Variants in TMCO2 observed in about 807,000 individuals in gnomAD.
TMCO2 encodes transmembrane and coiled-coil domains 2.
In TMCO2, 15 loss-of-function variants were observed where a neutral mutation model predicts 18.0. The observed-to-expected ratio is 0.84, with a 90% CI of 0.56 to 1.29. The LOEUF is 1.29. Among genes scored for constraint, TMCO2 ranks in the 50% most tolerant of loss-of-function variants. TMCO2 has a pLI of 0.00. For synonymous variants in TMCO2, 79 were observed against 75.9 expected (o/e 1.04, Z -0.21); for missense variants, 182 against 200.9 (o/e 0.91, Z 0.57).
chr1:40,248,052 C>T lies in TMCO2; in HGVS notation c.59C>T (p.Thr20Ile), dbSNP rs1569591810. ...DNLLESLSLSTVWNWIQASFL... is the reference protein window; with the variant it reads ...DNLLESLSLSIVWNWIQASFL... Reference sequence around the variant, plus strand: ...CTCTTAGAGTCTCTCTCTCTCAGCACAGTATGGAATTGGATACAAGCAAGT... The same window carrying T: ...CTCTTAGAGTCTCTCTCTCTCAGCATAGTATGGAATTGGATACAAGCAAGT... Residue 20 changes from threonine (T) to isoleucine (I), a missense_variant, in exon 1 of 2, where the codon ACA becomes ATA. Physicochemically the swap from Thr to Ile is moderately conservative, Grantham distance 89 (BLOSUM62 -1). Coordinates refer to ENST00000372766, the MANE Select transcript of TMCO2 (RefSeq NM_001008740.4). The T allele has an allele frequency of 6.2e-7, 1 of 1,614,196 alleles. No individual in the cohort carries two copies. Among genetic ancestry groups the T allele is most frequent in the Non-Finnish European group, 8.5e-7 (1 of 1,180,028 alleles).
chr1:40,248,676 G>T (rs546643973), intron 1 of TMCO2, among the ~76,000 whole-genome samples: 3 of 152,144 alleles, frequency 2.0e-5, no homozygotes, highest in African/African-American at 2.4e-5. Context: ...ACAAGATAAG[G>T]CTCCATAAGT....
chr1:40,249,255 A>ATGTGTGTGTGTGTGTGTG lies in TMCO2; in HGVS notation c.237+1055_237+1072dup, dbSNP rs3075101. ...CAACTGACCTAAATCTTGAACAGGA[A>ATGTGTGTGTGTGTGTGTG]TGTGTGTGTGTGTGTGTGTGTGTGT... On this transcript the variant is annotated intron_variant, in intron 1 of 1. Coordinates refer to ENST00000372766, the MANE Select transcript of TMCO2 (RefSeq NM_001008740.4). Among the ~76,000 whole-genome samples the ATGTGTGTGTGTGTGTGTG allele has an allele frequency of 4.2e-4, 59 of 139,930 alleles. 2 individuals are homozygous for ATGTGTGTGTGTGTGTGTG. Among genetic ancestry groups the ATGTGTGTGTGTGTGTGTG allele is most frequent in the South Asian group, 1.5e-3 (6 of 4,036 alleles). The allele number at this position is 139,930 out of a possible 152,430, so 91.8% of individuals were successfully genotyped here.
intron 1 of TMCO2, among the ~76,000 whole-genome samples, chr1:40,251,019 C>T (rs1452395879): frequency 6.6e-6 from 1 of 151,560 alleles, no homozygotes; most frequent in Non-Finnish European, 1.5e-5. Flanking sequence ...CGCCTGTAGT[C>T]CCAACTACTC....
rs2124568280 is a variant in TMCO2, at chr1:40,248,039, C to G, written c.46C>G (p.Leu16Val). ...TAGCTGGGACAACCTCTTAGAGTCT[C>G]TCTCTCTCAGCACAGTATGGAATTG... ...SSSWDNLLES[L>V]SLSTVWNWIQ... The change falls in exon 1 of 2, where the codon CTC becomes GTC. Residue 16 changes from leucine to valine, a missense_variant. Transcript: ENST00000372766. 3 of 1,614,164 alleles carry G rather than the reference C, an allele frequency of 1.9e-6. No homozygotes were observed. In the East Asian group the frequency reaches 6.7e-5, roughly 36 times the overall value.
At chr1:40,250,560 G>A (rs1643373741) in intron 1 of TMCO2, among the ~76,000 whole-genome samples, 1 of 152,058 alleles carries the variant, frequency 6.6e-6, no homozygotes, top group African/African-American at 2.4e-5. Flanking sequence ...AGACTACTAT[G>A]TCCTAAAGTG....
chr1:40,247,937 A>G lies in TMCO2; in HGVS notation c.-57A>G. 1 of 1,376,836 alleles carries G rather than the reference A, an allele frequency of 7.3e-7. No individual in the cohort carries two copies. The highest frequency in any genetic ancestry group is 1.0e-6 in the Non-Finnish European group (1 of 968,420). The allele number at this position is 1,376,836 out of a possible 1,614,324, so 85.3% of individuals were successfully genotyped here. A position where few individuals can be genotyped will look rare whatever the true frequency, so the allele number is the denominator to read the frequency against. ...GCCTCCAGACTACTCCCCCTAACTC[A>G]TATTTAGATTCCTGAAGCTTCTGCA... On this transcript the variant is annotated 5_prime_UTR_variant, in exon 1 of 2. Coordinates refer to ENST00000372766, the MANE Select transcript of TMCO2 (RefSeq NM_001008740.4).
intron 1 of TMCO2, among the ~76,000 whole-genome samples, chr1:40,250,435 G>A (rs1643373037): frequency 2.0e-5 from 3 of 152,016 alleles, no homozygotes; most frequent in African/African-American, 7.3e-5. Context: ...GGGCTCAGGT[G>A]ATCCTCCCAC....
chr1:40,250,357 G>T (rs1409192654), intron 1 of TMCO2, among the ~76,000 whole-genome samples: 1 of 150,902 alleles, frequency 6.6e-6, no homozygotes, highest in Non-Finnish European at 1.5e-5. Flanking sequence ...AAGAGACAGG[G>T]TCTGGCTATC....
intron 1 of TMCO2, among the ~76,000 whole-genome samples, chr1:40,248,676 G>C (rs546643973): frequency 2.0e-5 from 3 of 152,262 alleles, no homozygotes; most frequent in Non-Finnish European, 2.9e-5. Flanking sequence ...ACAAGATAAG[G>C]CTCCATAAGT....
In TMCO2 at chr1:40,247,978, G is replaced by C; in HGVS notation, c.-16G>C. ...AGCTTCTGCACATGTAGTTCCTAGA[G>C]CTGCTGCTTATTAAAATGTCAACAT... On this transcript the variant is annotated 5_prime_UTR_variant, in exon 1 of 2. Coordinates refer to ENST00000372766, the MANE Select transcript of TMCO2 (RefSeq NM_001008740.4). 5.0e-6 allele frequency: 8 copies of C among 1,601,716 alleles called. No homozygotes were observed. The highest frequency in any genetic ancestry group is 6.8e-6 in the Non-Finnish European group (8 of 1,168,816).
chr1:40,248,872 G>T (rs1380266041), intron 1 of TMCO2, among the ~76,000 whole-genome samples: 1 of 152,194 alleles, frequency 6.6e-6, no homozygotes, highest in Non-Finnish European at 1.5e-5. Flanking sequence ...AGAAACTGAG[G>T]TGCACTGAGG....
chr1:40,249,078 G>A (rs1235340854), intron 1 of TMCO2, among the ~76,000 whole-genome samples: 1 of 152,114 alleles, frequency 6.6e-6, no homozygotes, highest in East Asian at 1.9e-4. Flanking sequence ...AACAGTCAGG[G>A]AGAGATTATT....
chr1:40,248,217 T>C lies in TMCO2; in HGVS notation c.224T>C (p.Ile75Thr). The change falls in exon 1 of 2, where the codon ATT becomes ACT. Residue 75 changes from isoleucine to threonine, a missense_variant. By Grantham distance (89) the Ile-to-Thr change is moderately conservative. Coordinates refer to ENST00000372766, the MANE Select transcript of TMCO2 (RefSeq NM_001008740.4). ...ATATATGCCTTATGGAAACGAAGTATTCAGTCAATTCAGGTTATACTCTTT... is the reference window on the plus strand; with the variant it reads ...ATATATGCCTTATGGAAACGAAGTACTCAGTCAATTCAGGTTATACTCTTT... ...IGIYALWKRS[I>T]QSIQKTLLFV... 1 of 1,610,554 alleles carries C rather than the reference T, an allele frequency of 6.2e-7. No homozygotes were observed. The highest frequency in any genetic ancestry group is 1.3e-5 in the African/African-American group (1 of 74,966).
chr1:40,250,167 T>A (rs745578911), intron 1 of TMCO2, among the ~76,000 whole-genome samples: 8 of 151,710 alleles, frequency 5.3e-5, no homozygotes, highest in African/African-American at 1.5e-4. Context: ...TGGCTAATTT[T>A]AAAAATTTTT....
intron 1 of TMCO2, 51 bp from the exon 2 acceptor site, chr1:40,251,232 T>C (rs1557768825): frequency 6.7e-7 from 1 of 1,498,028 alleles, no homozygotes; most frequent in South Asian, 1.2e-5. Context: ...TTTTCTCTTA[T>C]AGATAGTAAA....
In TMCO2 at chr1:40,251,005, T is replaced by C. The variant is rs372472454; in HGVS notation, c.238-278T>C. Among the ~76,000 whole-genome samples, 227 of 151,986 alleles carry C rather than the reference T, an allele frequency of 1.5e-3. 1 individual carries two copies. The highest frequency in any genetic ancestry group is 4.8e-3 in the African/African-American group (198 of 41,446). ...ACAAAAAATTAGCCGGGCGTGGTGG[T>C]GGGCGCCTGTAGTCCCAACTACTCA... On this transcript the variant is annotated intron_variant, in intron 1 of 1. Coordinates refer to ENST00000372766, the MANE Select transcript of TMCO2 (RefSeq NM_001008740.4).
intron 1 of TMCO2, among the ~76,000 whole-genome samples, chr1:40,250,993 C>T (rs574259204): frequency 6.0e-4 from 91 of 152,034 alleles, no homozygotes; most frequent in Non-Finnish European, 9.0e-4. Context: ...AAAAATTAGC[C>T]GGGCGTGGTG....
At chr1:40,248,294 A>G in intron 1 of TMCO2, 64 bp downstream of exon 1, 1 of 1,362,376 alleles carries the variant, frequency 7.3e-7, no homozygotes, top group South Asian at 1.3e-5. Flanking sequence ...GTTCTCTCCC[A>G]TATTGCTGCC....
chr1:40,251,600 G>A lies in TMCO2; in HGVS notation c.*6G>A. On this transcript the variant is annotated 3_prime_UTR_variant, in exon 2 of 2. Transcript: ENST00000372766. The stretch of plus-strand genomic sequence containing the variant: ...GGTTTACTTCCCCCATTTGAAATGT[G>A]ATGGACTCCAATCTTTTCCAGGAAA... 3.8e-6 allele frequency: 6 copies of A among 1,595,812 alleles called. No individual in the cohort carries two copies. The South Asian group carries it at 6.9e-5, about 18-fold the overall frequency.
Sources: gnomAD v4.1 joint callset for allele counts (sites outside exome capture counted in the v4.1 genomes callset) on GRCh38, gnomAD v4.1.1 for gene constraint, MANE v1.5 for transcripts, NCBI Gene and HGNC (gene_info 2026-07-23, HGNC 2026-07-21) for gene names.